CREBBP: variants seen among roughly 807,000 people sequenced by gnomAD.
CREBBP encodes the protein CREB binding lysine acetyltransferase.
A neutral mutation model predicts 265.0 loss-of-function variants in CREBBP; 19 were observed. The ratio of observed to expected loss-of-function variants is 0.07; its 90% CI spans 0.05 to 0.11. The LOEUF is 0.11. CREBBP is among the 10% of genes least tolerant of loss of function. The pLI is 1.00. For missense variants in CREBBP, 2,525 were observed against 3,219.0 expected (o/e 0.78, Z 5.22); for synonymous variants, 1,457 against 1,223.7 (o/e 1.19, Z -3.98).
chr16:3,769,474 C>G (rs567311879), intron 14 of CREBBP, 121 bp from the exon 15 acceptor site: 1 of 1,262,608 alleles, frequency 7.9e-7, no homozygotes, highest in Non-Finnish European at 1.1e-6. Flanking sequence ...CCAGCAGGTG[C>G]CCTTCTGTGA....
In CREBBP at chr16:3,770,833, T is replaced by C. The variant is rs771929482; in HGVS notation, c.2617A>G (p.Thr873Ala). 6.2e-6 allele frequency: 10 copies of C among 1,613,778 alleles called. No homozygotes were observed. In the East Asian group the frequency reaches 1.3e-4, roughly 22 times the overall value. ...AAGMPSLQHT[T>A]PPGMTPPQPA... ...TGGGGAGGAGTCATCCCAGGTGGTG[T>C]CGTGTGCTGGAGAGATGGCATGCCA... The change falls in exon 14 of 31, where the codon ACA (threonine) becomes GCA (alanine). Residue 873 changes from threonine to alanine, a missense_variant. By Grantham distance (58) the Thr-to-Ala change is moderately conservative. This residue lies in a region of CREBBP where 548 missense variants were observed against 533.0 expected (regional missense o/e 1.03). Transcript: ENST00000262367.
intron 2 of CREBBP, among the ~76,000 whole-genome samples, chr16:3,836,954 T>C (rs2054464762): frequency 6.6e-6 from 1 of 152,246 alleles, no homozygotes; most frequent in Admixed American, 6.5e-5. Flanking sequence ...CTACCAGCTG[T>C]ATAAAAGCAT....
At chr16:3,764,662 C>T (rs777801099) in intron 16 of CREBBP, among the ~76,000 whole-genome samples, 37 of 152,162 alleles carry the variant, frequency 2.4e-4, no homozygotes, top group Non-Finnish European at 3.7e-4. Context: ...CAGCTTGCTG[C>T]AGCCTTGGAC....
intron 17 of CREBBP, 126 bp from the exon 18 acceptor site, chr16:3,758,174 T>C (rs2052631521): frequency 1.0e-6 from 1 of 975,244 alleles, no homozygotes; most frequent in Non-Finnish European, 1.5e-6. Context: ...TTCCCAACAG[T>C]AAGAAATAGG....
At chr16:3,867,134 T>C (rs2055193217) in intron 1 of CREBBP, among the ~76,000 whole-genome samples, 1 of 152,148 alleles carries the variant, frequency 6.6e-6, no homozygotes, top group South Asian at 2.1e-4. Flanking sequence ...ACTATTAAGG[T>C]GGGTAATAAA....
rs1064796292 is a variant in CREBBP, at chr16:3,793,470, G to A, written c.1132C>T (p.Arg378Trp). The change falls in exon 4 of 31, where the codon CGG becomes TGG. Residue 378 changes from arginine (R) to tryptophan (W), a missense_variant. Coordinates refer to ENST00000262367, the MANE Select transcript of CREBBP (RefSeq NM_004380.3). ...QRREQANGEV[R>W]ACSLPHCRTM... Reference sequence around the variant, plus strand: ...CGACAATGCGGGAGCGAGCAGGCCCGAACCTCTCCGTTTGCTTGCTCTCGT... The same window carrying A: ...CGACAATGCGGGAGCGAGCAGGCCCAAACCTCTCCGTTTGCTTGCTCTCGT... The A allele has an allele frequency of 2.5e-6, 4 of 1,614,072 alleles. No individual in the cohort carries two copies. The highest frequency in any genetic ancestry group is 1.1e-5 in the South Asian group (1 of 91,048).
intron 2 of CREBBP, among the ~76,000 whole-genome samples, chr16:3,848,167 C>A (rs1242345036): frequency 6.7e-6 from 1 of 148,302 alleles, no homozygotes; most frequent in African/African-American, 2.5e-5. Context: ...GAAACTCCAT[C>A]TCAGAAAAAA....
At chr16:3,804,085 A>G (rs907885005) in intron 3 of CREBBP, among the ~76,000 whole-genome samples, 3 of 152,032 alleles carry the variant, frequency 2.0e-5, no homozygotes, top group African/African-American at 7.2e-5. Flanking sequence ...CCAGCTTAAA[A>G]AAAAAAAATC....
intron 22 of CREBBP, 64 bp downstream of exon 22, chr16:3,745,213 A>G (rs916186110): frequency 4.2e-6 from 6 of 1,416,914 alleles, no homozygotes; most frequent in East Asian, 4.7e-5. Flanking sequence ...TGCAGTAGCC[A>G]CTGCAACTGC....
intron 2 of CREBBP, among the ~76,000 whole-genome samples, chr16:3,822,394 CTA>C (rs2054158786): frequency 6.6e-6 from 1 of 152,176 alleles, no homozygotes; most frequent in African/African-American, 2.4e-5. Context: ...CAGCCACTGA[CTA>C]TTTCTAGTAA....
intron 19 of CREBBP, among the ~76,000 whole-genome samples, chr16:3,754,690 A>T (rs1206807956): frequency 2.0e-5 from 3 of 152,216 alleles, no homozygotes; most frequent in African/African-American, 7.2e-5. Flanking sequence ...TAACTGGGAA[A>T]GCTAAAGAAC....
At chr16:3,796,411 G>C (rs984938747) in intron 3 of CREBBP, among the ~76,000 whole-genome samples, 1 of 150,184 alleles carries the variant, frequency 6.7e-6, no homozygotes, top group African/African-American at 2.5e-5. Flanking sequence ...TTTGAGACGG[G>C]AGTCTCACTC....
In CREBBP at chr16:3,777,930, T is replaced by C. The variant is rs130002; in HGVS notation, c.2113+81A>G. On this transcript the variant is annotated intron_variant, in intron 10 of 30. Coordinates refer to ENST00000262367, the MANE Select transcript of CREBBP (RefSeq NM_004380.3). The stretch of plus-strand genomic sequence containing the variant: ...GCATGCATCAGATATTCTAATTCTC[T>C]GTTCTTAGAAATACACCCCAAACAC... 0.023 allele frequency: 34,018 copies of C among 1,501,598 alleles called. 2,152 individuals are homozygous for C. Among genetic ancestry groups the C allele is most frequent in the East Asian group, 0.18 (7,959 of 44,300 alleles). The allele number at this position is 1,501,598 out of a possible 1,614,324, so 93.0% of individuals were successfully genotyped here. A position where few individuals can be genotyped will look rare whatever the true frequency, so the allele number is the denominator to read the frequency against.
At chr16:3,797,857 G>A (rs2053638363) in intron 3 of CREBBP, among the ~76,000 whole-genome samples, 1 of 152,034 alleles carries the variant, frequency 6.6e-6, no homozygotes, top group African/African-American at 2.4e-5. Context: ...TTTAGGACAT[G>A]AGGATGAGAA....
chr16:3,736,984 C>T (rs752270102), intron 26 of CREBBP, 169 bp from the exon 27 acceptor site: 3 of 785,972 alleles, frequency 3.8e-6, no homozygotes, highest in Non-Finnish European at 6.3e-6. Flanking sequence ...GAACTTTATC[C>T]TGAGCAAATG....
At chr16:3,749,595 T>G in intron 21 of CREBBP, 32 bp downstream of exon 21, 3 of 1,528,598 alleles carry the variant, frequency 2.0e-6, no homozygotes, top group Non-Finnish European at 2.7e-6. Context: ...AAACCAAAAC[T>G]GAAAGTAAAA....
At chr16:3,818,302 T>C (rs191760501) in intron 2 of CREBBP, among the ~76,000 whole-genome samples, 13 of 141,210 alleles carry the variant, frequency 9.2e-5, no homozygotes, top group African/African-American at 3.3e-4. Flanking sequence ...GGTTTTCTTT[T>C]CTTTTTTTTT....
intron 1 of CREBBP, among the ~76,000 whole-genome samples, chr16:3,867,536 T>C (rs746039282): frequency 6.6e-6 from 1 of 151,938 alleles, no homozygotes; most frequent in Admixed American, 6.6e-5. Flanking sequence ...TTATATAACA[T>C]AGAGAAAACA....
rs1160469918 is a variant in CREBBP at position 3,805,586 on chromosome 16, A to AT, written c.975+5016dup. On this transcript the variant is annotated intron_variant, in intron 3 of 30. Coordinates refer to ENST00000262367, the MANE Select transcript of CREBBP (RefSeq NM_004380.3). ...CCTGGCGTTCACGAAGCTTAACCCT[A>AT]TGCAGCCAGTTTAAGTCTTGCTCCC... Among the ~76,000 whole-genome samples the AT allele has an allele frequency of 3.3e-4, 50 of 152,346 alleles. 1 individual carries two copies. The highest frequency in any genetic ancestry group is 2.9e-5 in the Non-Finnish European group (2 of 68,038).
Sources: gnomAD v4.1 joint callset for allele counts (sites outside exome capture counted in the v4.1 genomes callset) on GRCh38, gnomAD v4.1.1 for gene constraint, gnomAD v4.1.1 regional missense constraint, MANE v1.5 for transcripts, NCBI Gene and HGNC (gene_info 2026-07-23, HGNC 2026-07-21) for gene names.